The following RASGRF2 variants were observed in gnomAD, a reference collection of about 807,000 sequenced individuals.
RASGRF2 encodes ras-specific guanine nucleotide-releasing factor 2.
RASGRF2 carries 76 observed loss-of-function variants against 151.0 expected under a neutral mutation model. The ratio of observed to expected loss-of-function variants is 0.50; its 90% CI spans 0.42 to 0.61. RASGRF2 has a LOEUF of 0.61. RASGRF2 is among the 20% of genes least tolerant of loss of function. The pLI is 0.00. For synonymous variants in RASGRF2, 504 were observed against 566.5 expected (o/e 0.89, Z 1.57); for missense variants, 1,148 against 1,564.6 (o/e 0.73, Z 4.49).
In RASGRF2 at chr5:81,035,772, G is replaced by A. The variant is rs150804077; in HGVS notation, c.289-7105G>A. ...AATACGAATGTAAAGGTGTTGTTAA[G>A]GCATACAGACAGTGGATTGAAAGAT... On this transcript the variant is annotated intron_variant, in intron 1 of 26. Transcript: ENST00000265080. 3.6e-3 allele frequency among the ~76,000 whole-genome samples: 541 copies of A among 152,248 alleles called. 4 individuals carry two copies. Among genetic ancestry groups the A allele is most frequent in the South Asian group, 0.03 (146 of 4,818 alleles).
intron 1 of RASGRF2, among the ~76,000 whole-genome samples, chr5:81,009,541 A>G (rs962884356): frequency 6.6e-6 from 1 of 152,236 alleles, no homozygotes; most frequent in Non-Finnish European, 1.5e-5. Context: ...ACAAACTTCC[A>G]TAAACCAAGT....
chr5:81,213,732 T>C (rs1755673785), intron 23 of RASGRF2, among the ~76,000 whole-genome samples: 1 of 152,148 alleles, frequency 6.6e-6, no homozygotes, highest in African/African-American at 2.4e-5. Context: ...TATCTTACCT[T>C]TCTCAGAGTA....
At chr5:81,093,708 C>G (rs387639) in intron 10 of RASGRF2, among the ~76,000 whole-genome samples, 30,521 of 152,052 alleles carry the variant, frequency 0.2, 3,499 homozygotes, top group Admixed American at 0.28. Flanking sequence ...GCCTGGTGTA[C>G]AAGTGTGAGC....
intron 17 of RASGRF2, among the ~76,000 whole-genome samples, chr5:81,131,390 T>C (rs897356681): frequency 3.9e-5 from 6 of 152,062 alleles, no homozygotes; most frequent in African/African-American, 1.4e-4. Flanking sequence ...AGTCTCGCTT[T>C]ATCACCCAGG....
chr5:81,135,185 T>C (rs1753724800), intron 17 of RASGRF2, among the ~76,000 whole-genome samples: 1 of 150,768 alleles, frequency 6.6e-6, no homozygotes, highest in Admixed American at 6.6e-5. Flanking sequence ...CACACGCCTG[T>C]AGTCCCAGCT....
At chr5:81,064,489 T>G (rs10045596) in intron 2 of RASGRF2, among the ~76,000 whole-genome samples, 32,077 of 152,012 alleles carry the variant, frequency 0.21, 3,611 homozygotes, top group Middle Eastern at 0.38. Context: ...ACCTAAGGGG[T>G]TGAGTACTAG....
At chr5:81,151,864 A>G (rs1754143159) in intron 17 of RASGRF2, among the ~76,000 whole-genome samples, 1 of 152,208 alleles carries the variant, frequency 6.6e-6, no homozygotes, top group Admixed American at 6.5e-5. Context: ...GGTTCAATTC[A>G]GCTAACTTTT....
intron 5 of RASGRF2, among the ~76,000 whole-genome samples, chr5:81,073,892 C>T (rs1445173382): frequency 6.6e-6 from 1 of 152,216 alleles, no homozygotes; most frequent in East Asian, 1.9e-4. Flanking sequence ...GCTGAGATTA[C>T]AGGCGTGAGC....
At chr5:81,010,132 T>C (rs546746) in intron 1 of RASGRF2, among the ~76,000 whole-genome samples, 123,380 of 150,194 alleles carry the variant, frequency 0.82, 51,097 homozygotes, top group Middle Eastern at 0.92. Context: ...CCAGCCTGAG[T>C]GACAGAGTGA....
rs531165869 is a variant in RASGRF2 at position 80,982,791 on chromosome 5, G to A, written c.288+21765G>A. Among the ~76,000 whole-genome samples, 370 of 151,820 alleles carry A rather than the reference G, an allele frequency of 2.4e-3. 6 individuals carry two copies. Among genetic ancestry groups the A allele is most frequent in the African/African-American group, 7.7e-3 (318 of 41,374 alleles). On this transcript the variant is annotated intron_variant, in intron 1 of 26. Transcript: ENST00000265080. ...CATTTTTTGTATTTTTAGTAGAGAC[G>A]GGGTTTCACCGTGTTAGCCAGGATG...
intron 4 of RASGRF2, 64 bp downstream of exon 4, chr5:81,070,645 G>C (rs923089176): frequency 2.9e-6 from 4 of 1,398,364 alleles, no homozygotes; most frequent in Non-Finnish European, 4.0e-6. Flanking sequence ...CTATGGTGGT[G>C]TCTTTGCCAC....
chr5:81,137,071 C>T (rs1580350504), intron 17 of RASGRF2, among the ~76,000 whole-genome samples: 3 of 152,238 alleles, frequency 2.0e-5, no homozygotes, highest in African/African-American at 7.2e-5. Context: ...CTTACAATGG[C>T]TCAACTTACA....
At chr5:80,994,638 C>T (rs1018328642) in intron 1 of RASGRF2, among the ~76,000 whole-genome samples, 48 of 152,120 alleles carry the variant, frequency 3.2e-4, no homozygotes, top group South Asian at 8.3e-4. Context: ...GTATTGTGGA[C>T]TCTCCTGTGT....
intron 1 of RASGRF2, among the ~76,000 whole-genome samples, chr5:81,005,592 A>G (rs138662516): frequency 1.3e-5 from 2 of 152,290 alleles, no homozygotes; most frequent in Non-Finnish European, 2.9e-5. Flanking sequence ...CATGGAGAAA[A>G]AAAATCCCAT....
chr5:81,050,760 C>A (rs989822952), intron 2 of RASGRF2, among the ~76,000 whole-genome samples: 1 of 152,134 alleles, frequency 6.6e-6, no homozygotes, highest in African/African-American at 2.4e-5. Context: ...CTTCTTATTT[C>A]GCTCGAAGCA....
intron 5 of RASGRF2, among the ~76,000 whole-genome samples, chr5:81,074,456 C>T (rs919810713): frequency 2.0e-5 from 3 of 152,184 alleles, no homozygotes; most frequent in Non-Finnish European, 2.9e-5. Flanking sequence ...GTTGCACTGT[C>T]ACCCTGTCTC....
At chr5:81,160,224 A>T (rs1346659596) in intron 17 of RASGRF2, among the ~76,000 whole-genome samples, 1 of 152,192 alleles carries the variant, frequency 6.6e-6, no homozygotes, top group Non-Finnish European at 1.5e-5. Flanking sequence ...GTTCAAGACC[A>T]GCCTGGCCAA....
intron 25 of RASGRF2, 97 bp downstream of exon 25, chr5:81,217,570 T>A: frequency 1.5e-4 from 80 of 522,354 alleles, no homozygotes; most frequent in Middle Eastern, 7.3e-4. Flanking sequence ...TTTTTTTTTC[T>A]CTTCTTTTTT....
intron 1 of RASGRF2, among the ~76,000 whole-genome samples, chr5:80,991,249 A>G (rs1185905650): frequency 1.3e-5 from 2 of 152,126 alleles, no homozygotes; most frequent in Non-Finnish European, 2.9e-5. Flanking sequence ...GCTTAAGCCC[A>G]GGAGGTTGAG....
Sources: gnomAD v4.1 joint callset for allele counts (sites outside exome capture counted in the v4.1 genomes callset) on GRCh38, gnomAD v4.1.1 for gene constraint, MANE v1.5 for transcripts, NCBI Gene and HGNC (gene_info 2026-07-23, HGNC 2026-07-21) for gene names.